Variants in RANGAP1 observed in about 807,000 individuals in gnomAD.
RANGAP1 encodes the protein Ran GTPase activating protein 1, also known as ran GTPase-activating protein 1.
Under a neutral mutation model 63.5 loss-of-function variants are expected in RANGAP1, and 38 were observed. The observed-to-expected ratio is 0.60, with a 90% CI of 0.46 to 0.78. The LOEUF (loss-of-function observed/expected upper bound fraction) is 0.78, where lower values mean the gene tolerates loss of function less well. RANGAP1 is among the 30% of genes least tolerant of loss of function. The pLI is 0.00. For missense variants in RANGAP1, 630 were observed against 740.3 expected, an observed-to-expected ratio of 0.85 and a Z score of 1.73; for synonymous variants, 329 against 310.5, an observed-to-expected ratio of 1.06 and a Z score of -0.63.
At chr22:41,264,897 G>T in intron 4 of RANGAP1, 54 bp from the exon 5 acceptor site, 1 of 1,544,944 alleles carries the variant, frequency 6.5e-7, no homozygotes, top group Non-Finnish European at 8.8e-7. Flanking sequence ...TTCTGTGCTG[G>T]GTGCTGCTTC....
intron 1 of RANGAP1, among the ~76,000 whole-genome samples, chr22:41,283,547 A>C (rs1377922487): frequency 6.6e-6 from 1 of 152,112 alleles, no homozygotes; most frequent in Non-Finnish European, 1.5e-5. Flanking sequence ...AAAAGGCATT[A>C]ACAACAACAA....
At chr22:41,252,738 C>G (rs2033550366) in intron 12 of RANGAP1, 134 bp downstream of exon 12, 1 of 1,069,326 alleles carries the variant, frequency 9.4e-7, no homozygotes, top group Non-Finnish European at 1.3e-6. Context: ...CGTGTTGTAA[C>G]AGTGGCAGGC....
chr22:41,293,775 AAAAAAAGAAAAG>A, the RANGAP1 span, among the ~76,000 whole-genome samples: 2 of 86,452 alleles, frequency 2.3e-5, no homozygotes, highest in Non-Finnish European at 6.2e-5. Flanking sequence ...AAAAAAAAAA[AAAAAAAGAAAAG>A]AAATAATTTT....
At chr22:41,268,184 C>G (rs770266869) in intron 3 of RANGAP1, 28 bp from the exon 4 acceptor site, 6 of 1,511,310 alleles carry the variant, frequency 4.0e-6, no homozygotes, top group Admixed American at 2.0e-5. Context: ...GAAGAGTTAG[C>G]GGGAGAGAGA....
At chr22:41,301,231 A>G in the RANGAP1 span, among the ~76,000 whole-genome samples, 1 of 151,942 alleles carries the variant, frequency 6.6e-6, no homozygotes, top group African/African-American at 2.4e-5. Flanking sequence ...AAGCCGGAGA[A>G]GGGGGGCGGG....
chr22:41,276,222 G>C (rs2035136543), intron 2 of RANGAP1, among the ~76,000 whole-genome samples: 1 of 152,214 alleles, frequency 6.6e-6, no homozygotes, highest in African/African-American at 2.4e-5. Context: ...AAATGCTATA[G>C]CAGTTCTCTC....
At chr22:41,273,426 T>A (rs2145808980) in intron 3 of RANGAP1, among the ~76,000 whole-genome samples, 1 of 152,276 alleles carries the variant, frequency 6.6e-6, no homozygotes, top group Non-Finnish European at 1.5e-5. Flanking sequence ...ATAACCTGAC[T>A]TGCCCTTTGC....
chr22:41,259,993 G>A (rs564475941), intron 6 of RANGAP1, among the ~76,000 whole-genome samples: 181 of 150,480 alleles, frequency 1.2e-3, no homozygotes, highest in African/African-American at 4.1e-3. Context: ...GCAACAGAGC[G>A]AGACCCTGCC....
chr22:41,261,311 A>G (rs1216586239), intron 6 of RANGAP1, 135 bp downstream of exon 6: 4 of 1,342,156 alleles, frequency 3.0e-6, no homozygotes, highest in Non-Finnish European at 4.1e-6. Context: ...ATGGGTTAAC[A>G]GGCTTGGAGA....
At chr22:41,276,715 C>T (rs1172611133) in intron 2 of RANGAP1, among the ~76,000 whole-genome samples, 4 of 151,674 alleles carry the variant, frequency 2.6e-5, no homozygotes, top group East Asian at 1.9e-4. Flanking sequence ...CGGTGGCTCA[C>T]GCCTGTAATC....
chr22:41,269,983 G>A (rs568583361), intron 3 of RANGAP1, among the ~76,000 whole-genome samples: 19 of 152,048 alleles, frequency 1.2e-4, no homozygotes, highest in Admixed American at 6.6e-5. Context: ...ACAGGTGCCC[G>A]CTACCACGCC....
upstream of RANGAP1, among the ~76,000 whole-genome samples, chr22:41,288,045 A>G (rs1408107618): frequency 6.6e-6 from 1 of 152,178 alleles, no homozygotes; most frequent in Non-Finnish European, 1.5e-5. Flanking sequence ...TTTTACACAC[A>G]GCTCATTTAA....
intron 10 of RANGAP1, chr22:41,254,804 C>G (rs1213620988): frequency 3.8e-6 from 1 of 260,576 alleles, no homozygotes; most frequent in Non-Finnish European, 6.0e-6. Flanking sequence ...AACCCCGTCT[C>G]TACTAAAAAT....
chr22:41,295,696 T>TA, the RANGAP1 span, among the ~76,000 whole-genome samples: 220 of 122,246 alleles, frequency 1.8e-3, 2 homozygotes, highest in East Asian at 0.032. Flanking sequence ...AATGATCAAT[T>TA]AAAAAAAAAA....
intron 3 of RANGAP1, among the ~76,000 whole-genome samples, chr22:41,268,679 A>T (rs1196370511): frequency 6.6e-6 from 1 of 152,222 alleles, no homozygotes; most frequent in South Asian, 2.1e-4. Flanking sequence ...CACAAGTGTC[A>T]GGAAAATCCC....
intron 1 of RANGAP1, chr22:41,281,499 C>T (rs1056132065): frequency 9.1e-6 from 9 of 992,916 alleles, no homozygotes; most frequent in Non-Finnish European, 1.1e-5. Flanking sequence ...GGGTCCCATT[C>T]CTCAAACAGG....
Position 41,249,528 on chromosome 22 carries a change from C to T in RANGAP1, c.1573-77G>A. 2.5e-6 allele frequency: 4 copies of T among 1,593,580 alleles called. No individual in the cohort carries two copies. In the Admixed American group the frequency reaches 6.8e-5, roughly 27 times the overall value. On this transcript the variant is annotated intron_variant, in intron 14 of 15. Transcript: ENST00000356244. ...GCCCCTGGACTCCACCATCCAGACTCTGCTGATAGTGCCCACAACTGAGTC... is the reference window on the plus strand; with the variant it reads ...GCCCCTGGACTCCACCATCCAGACTTTGCTGATAGTGCCCACAACTGAGTC...
intron 3 of RANGAP1, among the ~76,000 whole-genome samples, chr22:41,272,106 G>C (rs930025897): frequency 6.6e-6 from 1 of 152,232 alleles, no homozygotes; most frequent in Non-Finnish European, 1.5e-5. Flanking sequence ...GCAAGGCCAC[G>C]TACGGCAAAC....
rs917349786 is a variant in RANGAP1 at position 41,246,533 on chromosome 22, T to G, written c.*70A>C. Reference sequence around the variant, plus strand: ...TCCTGTCCAAGGCAATGGCGTAGGCTGCGCCTCAGTTCATCCGAGTCCCTC... The same window carrying G: ...TCCTGTCCAAGGCAATGGCGTAGGCGGCGCCTCAGTTCATCCGAGTCCCTC... On this transcript the variant is annotated 3_prime_UTR_variant, in exon 16 of 16. Coordinates refer to ENST00000356244, the MANE Select transcript of RANGAP1 (RefSeq NM_002883.4). 6.9e-7 allele frequency: 1 copy of G among 1,447,474 alleles called. No individual in the cohort carries two copies. Among genetic ancestry groups the G allele is most frequent in the Non-Finnish European group, 9.5e-7 (1 of 1,054,416 alleles). The allele number at this position is 1,447,474 out of a possible 1,614,324, so 89.7% of individuals were successfully genotyped here. A position where few individuals can be genotyped will look rare whatever the true frequency, so the allele number is the denominator to read the frequency against.
Sources: allele counts gnomAD v4.1 joint callset (sites outside exome capture counted in the v4.1 genomes callset), GRCh38; gene constraint gnomAD v4.1.1; transcripts MANE v1.5; gene names NCBI Gene and HGNC (gene_info 2026-07-23, HGNC 2026-07-21).